The following CHRM5 variants were observed in gnomAD, a reference collection of about 807,000 sequenced individuals.
CHRM5 encodes muscarinic acetylcholine receptor M5.
CHRM5 carries 18 observed loss-of-function variants against 39.0 expected under a neutral mutation model. That is an observed-to-expected ratio of 0.46 (90% CI 0.32 to 0.68). CHRM5 has a LOEUF of 0.68. CHRM5 is among the 30% of genes least tolerant of loss of function. The probability of loss-of-function intolerance (pLI) is 0.04; values close to 1 mark genes in which losing one functional copy is unlikely to be tolerated. For synonymous variants in CHRM5, 241 were observed against 246.3 expected (o/e 0.98, Z 0.20); for missense variants, 515 against 651.1 (o/e 0.79, Z 2.28).
intron 1 of CHRM5, among the ~76,000 whole-genome samples, chr15:33,975,862 G>A (rs145658337): frequency 0.015 from 2,210 of 152,216 alleles, 50 homozygotes; most frequent in African/African-American, 0.05. Context: ...CCCGGGCAGC[G>A]GAGGTTACAG....
intron 1 of CHRM5, among the ~76,000 whole-genome samples, chr15:33,982,336 C>T (rs1184714956): frequency 6.6e-6 from 1 of 152,066 alleles, no homozygotes; most frequent in East Asian, 1.9e-4. Flanking sequence ...TAAGATCACA[C>T]CCTCTCCCAT....
At chr15:34,005,493 T>G (rs1015811766) in intron 1 of CHRM5, among the ~76,000 whole-genome samples, 7 of 152,096 alleles carry the variant, frequency 4.6e-5, no homozygotes, top group Non-Finnish European at 1.0e-4. Flanking sequence ...CTCAATGGAG[T>G]CAAGCTAAAT....
At chr15:34,062,595 A>G in intron 2 of CHRM5, 48 bp from the exon 3 acceptor site, 3 of 854,130 alleles carry the variant, frequency 3.5e-6, no homozygotes, top group East Asian at 5.0e-5. Flanking sequence ...TGGATGGACA[A>G]GAAAATCATG....
At chr15:34,041,162 C>G (rs1372859193) in intron 1 of CHRM5, among the ~76,000 whole-genome samples, 1 of 151,994 alleles carries the variant, frequency 6.6e-6, no homozygotes, top group Non-Finnish European at 1.5e-5. Flanking sequence ...TAATAGCATC[C>G]CTGGCCTCTA....
chr15:34,020,033 T>C (rs1898131217), intron 1 of CHRM5, among the ~76,000 whole-genome samples: 1 of 152,324 alleles, frequency 6.6e-6, no homozygotes, highest in South Asian at 2.1e-4. Context: ...GGTTTTAGGC[T>C]GGGCGCAGTG....
At chr15:33,997,554 G>A (rs1896986043) in intron 1 of CHRM5, among the ~76,000 whole-genome samples, 1 of 151,924 alleles carries the variant, frequency 6.6e-6, no homozygotes, top group African/African-American at 2.4e-5. Context: ...AAATCTCAAC[G>A]TCAAACATTC....
chr15:34,012,612 G>A (rs1001720681), intron 1 of CHRM5, among the ~76,000 whole-genome samples: 11 of 152,108 alleles, frequency 7.2e-5, no homozygotes, highest in African/African-American at 1.7e-4. Flanking sequence ...ATCTACCAGC[G>A]TAAGTCTGGT....
chr15:33,989,484 C>T (rs188100756), intron 1 of CHRM5, among the ~76,000 whole-genome samples: 103 of 150,808 alleles, frequency 6.8e-4, no homozygotes, highest in African/African-American at 2.4e-3. Context: ...ACAACCAAAA[C>T]CAAAACTAAG....
At chr15:34,020,706 G>T (rs1457978350) in intron 1 of CHRM5, among the ~76,000 whole-genome samples, 1 of 152,166 alleles carries the variant, frequency 6.6e-6, no homozygotes, top group Non-Finnish European at 1.5e-5. Context: ...CCCCTTGACT[G>T]AATTACGACC....
At chr15:34,041,444 G>C (rs1287941844) in intron 1 of CHRM5, among the ~76,000 whole-genome samples, 3 of 152,222 alleles carry the variant, frequency 2.0e-5, no homozygotes, top group Non-Finnish European at 4.4e-5. Flanking sequence ...AATGTAGTGA[G>C]AGACGAGACC....
intron 1 of CHRM5, among the ~76,000 whole-genome samples, chr15:33,996,264 C>T (rs1288655241): frequency 6.6e-6 from 1 of 152,198 alleles, no homozygotes; most frequent in African/African-American, 2.4e-5. Context: ...CATAGCTGGA[C>T]AAACGGCAGC....
At chr15:33,989,683 A>G (rs563663) in intron 1 of CHRM5, among the ~76,000 whole-genome samples, 79,436 of 151,762 alleles carry the variant, frequency 0.52, 22,637 homozygotes, top group Non-Finnish European at 0.65. Context: ...ATTTTCTTTA[A>G]GGACTTTATC....
intron 1 of CHRM5, among the ~76,000 whole-genome samples, chr15:33,986,445 G>A (rs1896474183): frequency 6.6e-6 from 1 of 151,898 alleles, no homozygotes; most frequent in African/African-American, 2.4e-5. Flanking sequence ...TAAACACAAG[G>A]CAGAAGACTC....
At chr15:33,999,715 C>A (rs73387938) in intron 1 of CHRM5, among the ~76,000 whole-genome samples, 1 of 152,184 alleles carries the variant, frequency 6.6e-6, no homozygotes, top group African/African-American at 2.4e-5. Context: ...CCGCTGCTTA[C>A]CTGGATTATT....
intron 1 of CHRM5, among the ~76,000 whole-genome samples, chr15:34,012,944 C>G (rs1214687293): frequency 6.6e-6 from 1 of 152,158 alleles, no homozygotes; most frequent in East Asian, 1.9e-4. Flanking sequence ...TAATCATTGT[C>G]ATGGTCTGTT....
chr15:34,045,709 A>G (rs1899657407), intron 1 of CHRM5, among the ~76,000 whole-genome samples: 2 of 142,914 alleles, frequency 1.4e-5, no homozygotes, highest in Admixed American at 1.5e-4. Flanking sequence ...CATAAAAAAA[A>G]AAAGGTGTTT....
chr15:34,025,033 T>C (rs1281990773), intron 1 of CHRM5, among the ~76,000 whole-genome samples: 4 of 150,840 alleles, frequency 2.7e-5, no homozygotes, highest in African/African-American at 9.8e-5. Context: ...TAGCTGGGCA[T>C]GGTGGTAGGA....
chr15:33,983,219 T>TAC (rs1264816631), intron 1 of CHRM5, among the ~76,000 whole-genome samples: 2 of 113,500 alleles, frequency 1.8e-5, no homozygotes, highest in African/African-American at 9.6e-5. Context: ...TATATACATA[T>TAC]ATATACACAC....
chr15:34,057,164 T>G (rs1900188130), intron 2 of CHRM5, among the ~76,000 whole-genome samples: 1 of 150,910 alleles, frequency 6.6e-6, no homozygotes, highest in Non-Finnish European at 1.5e-5. Context: ...AGGTGGAGTC[T>G]TGCTGTGTCA....
Sources: allele counts gnomAD v4.1 joint callset (sites outside exome capture counted in the v4.1 genomes callset), GRCh38; gene constraint gnomAD v4.1.1; transcripts MANE v1.5; gene names NCBI Gene and HGNC (gene_info 2026-07-23, HGNC 2026-07-21).